FGFR3: variants seen among roughly 807,000 people sequenced by gnomAD.
FGFR3 encodes the protein fibroblast growth factor receptor 3.
Under a neutral mutation model 82.9 loss-of-function variants are expected in FGFR3, and 25 were observed. That is an observed-to-expected ratio of 0.30 (90% CI 0.22 to 0.42). FGFR3 has a LOEUF of 0.42. Among genes scored for constraint, FGFR3 ranks in the 10% least tolerant of loss-of-function variants. The probability of loss-of-function intolerance (pLI) is 1.00; values close to 1 mark genes in which losing one functional copy is unlikely to be tolerated. For synonymous variants in FGFR3, 620 were observed against 516.0 expected, an observed-to-expected ratio of 1.20 and a Z score of -2.73; for missense variants, 1,026 against 1,161.0, an observed-to-expected ratio of 0.88 and a Z score of 1.69.
At position 1,807,496 on chromosome 4, in the gene FGFR3, C is replaced by T; in HGVS notation, c.*234C>T. On this transcript the variant is annotated 3_prime_UTR_variant, in exon 18 of 18. Coordinates refer to ENST00000440486, the MANE Select transcript of FGFR3 (RefSeq NM_000142.5). ...TACCCTGGGTGTCCCCGCTGCTGTG[C>T]AACGGTCTCCTGACTGGTGCTGCAG... The T allele has an allele frequency of 1.4e-6, 1 of 726,204 alleles. No homozygotes were observed. The highest frequency in any genetic ancestry group is 2.7e-5 in the East Asian group (1 of 37,322). The allele number at this position is 726,204 out of a possible 1,614,324, so 45.0% of individuals were successfully genotyped here. A position where few individuals can be genotyped will look rare whatever the true frequency, so the allele number is the denominator to read the frequency against.
intron 7 of FGFR3, chr4:1,803,044 GC>G: frequency 6.3e-7 from 1 of 1,598,078 alleles, no homozygotes; most frequent in Non-Finnish European, 8.5e-7. Flanking sequence ...TTTTGGCTGA[GC>G]GTTCACGGGC....
At chr4:1,797,070 C>G (rs1720600127) in intron 2 of FGFR3, among the ~76,000 whole-genome samples, 1 of 152,180 alleles carries the variant, frequency 6.6e-6, no homozygotes, top group South Asian at 2.1e-4. Context: ...TTGCCTCCTA[C>G]CCCGCCTTGG....
In FGFR3 at chr4:1,793,340, T is replaced by A. The variant is rs2108749540; in HGVS notation, c.-228T>A. The A allele has an allele frequency of 6.8e-6, 1 of 146,914 alleles. No individual in the cohort carries two copies. The highest frequency in any genetic ancestry group is 6.7e-5 in the Admixed American group (1 of 14,876). 9.1% of individuals were successfully genotyped at this position (146,914 alleles called of 1,614,324 possible). On this transcript the variant is annotated 5_prime_UTR_variant, in exon 1 of 18. Coordinates refer to ENST00000440486, the MANE Select transcript of FGFR3 (RefSeq NM_000142.5). Reference sequence around the variant, plus strand: ...GCGGGCAGCTGGCGCCGCGCGGTCCTGCTCTGCCGGTCGCACGGACGCACC... The same window carrying A: ...GCGGGCAGCTGGCGCCGCGCGGTCCAGCTCTGCCGGTCGCACGGACGCACC...
At chr4:1,805,108 A>G (rs992214781) in intron 10 of FGFR3, 139 bp downstream of exon 10, 4 of 1,328,564 alleles carry the variant, frequency 3.0e-6, no homozygotes, top group Middle Eastern at 5.2e-4. Flanking sequence ...TTCTGTGGAG[A>G]TGCTCCTGGG....
chr4:1,795,730 A>T (rs937493306), intron 2 of FGFR3, among the ~76,000 whole-genome samples: 2 of 152,130 alleles, frequency 1.3e-5, no homozygotes, highest in South Asian at 2.1e-4. Flanking sequence ...TGGGACCTGG[A>T]GTGACCCCCC....
intron 10 of FGFR3, among the ~76,000 whole-genome samples, 181 bp downstream of exon 10, chr4:1,805,150 G>T (rs921061076): frequency 1.3e-5 from 2 of 152,260 alleles, no homozygotes; most frequent in African/African-American, 4.8e-5. Flanking sequence ...CCCCTCTCAA[G>T]GTGCCCTGTC....
intron 7 of FGFR3, chr4:1,803,179 C>A: frequency 8.1e-7 from 1 of 1,240,238 alleles, no homozygotes; most frequent in Non-Finnish European, 1.1e-6. Context: ...GGCTCGCGCT[C>A]CACTCGGGGC....
intron 7 of FGFR3, chr4:1,803,134 C>T (rs890644165): frequency 7.8e-6 from 11 of 1,413,788 alleles, no homozygotes; most frequent in Non-Finnish European, 8.3e-6. Context: ...GCGCCCTGCA[C>T]GCCCCGCACG....
rs1721242741 is a variant in FGFR3, at chr4:1,801,938, A to G, written c.843A>G (p.Ala281=). 2 of 1,612,740 alleles carry G rather than the reference A, an allele frequency of 1.2e-6. No homozygotes were observed. The highest frequency in any genetic ancestry group is 4.5e-5 in the East Asian group (2 of 44,870). The part of the protein sequence containing the change: ...VEFHCKVYSD[A]QPHIQWLKHV... The stretch of plus-strand genomic sequence containing the variant: ...TCCACTGCAAGGTGTACAGTGACGC[A>G]CAGCCCCACATCCAGTGGCTCAAGC... The change falls in exon 7 of 18, where the codon GCA becomes GCG. Residue 281 remains alanine, a synonymous_variant. Coordinates refer to ENST00000440486, the MANE Select transcript of FGFR3 (RefSeq NM_000142.5).
At position 1,801,647 on chromosome 4, in the gene FGFR3, A is replaced by T. The variant is rs1217196998; in HGVS notation, c.643A>T (p.Met215Leu). 6.2e-7 allele frequency: 1 copy of T among 1,611,252 alleles called. No individual in the cohort carries two copies. The highest frequency in any genetic ancestry group is 8.5e-7 in the Non-Finnish European group (1 of 1,179,330). Residue 215 changes from methionine (M) to leucine (L), a missense_variant, in exon 6 of 18, where the codon ATG becomes TTG. Physicochemically the swap from Met to Leu is conservative, Grantham distance 15. This residue lies in a region of FGFR3 where 147 missense variants were observed against 228.1 expected (regional missense o/e 0.64). Transcript: ENST00000440486. ...KLRHQQWSLVMESVVPSDRGN... is the reference protein window; with the variant it reads ...KLRHQQWSLVLESVVPSDRGN... ...GCGGCATCAGCAGTGGAGCCTGGTC[A>T]TGGAAAGCGTGGTGCCCTCGGACCG...
Position 1,794,340 on chromosome 4 carries a change from C to A in FGFR3, c.109+297C>A, listed in dbSNP as rs3135833. On this transcript the variant is annotated intron_variant, in intron 2 of 17. Coordinates refer to ENST00000440486, the MANE Select transcript of FGFR3 (RefSeq NM_000142.5). ...CCCTAGCCCTGGCCTGTCGGGAGGG[C>A]GCGGGGGGCCCCATTTCCACGATTC... 8.5e-3 allele frequency among the ~76,000 whole-genome samples: 1,292 copies of A among 152,340 alleles called. 17 individuals are homozygous for A. The highest frequency in any genetic ancestry group is 0.027 in the African/African-American group (1,131 of 41,570).
At position 1,803,735 on chromosome 4, in the gene FGFR3, C is replaced by T. The variant is rs1721500087; in HGVS notation, c.974C>T (p.Ser325Phe). ...NTTDKELEVLSLHNVTFEDAG... is the reference protein window; with the variant it reads ...NTTDKELEVLFLHNVTFEDAG... ...ACCGACAAGGAGCTAGAGGTTCTCT[C>T]CTTGCACAACGTCACCTTTGAGGAC... The change falls in exon 8 of 18, where the codon TCC becomes TTC. Residue 325 changes from serine (S) to phenylalanine (F), a missense_variant. Ser to Phe is a radical substitution (Grantham distance 155, BLOSUM62 -2). This residue lies in a region of FGFR3 where 256 missense variants were observed against 217.6 expected (regional missense o/e 1.18). Transcript: ENST00000440486. 6.2e-7 allele frequency: 1 copy of T among 1,614,054 alleles called. No individual in the cohort carries two copies. The highest frequency in any genetic ancestry group is 1.1e-5 in the South Asian group (1 of 91,082).
chr4:1,804,295 GGCCA>G, intron 8 of FGFR3, 31 bp from the exon 9 acceptor site: 13 of 1,556,634 alleles, frequency 8.4e-6, no homozygotes, highest in Admixed American at 5.5e-5. Context: ...TGGGGGGGGG[GGCCA>G]GGCCAGGCCT....
intron 2 of FGFR3, 76 bp from the exon 3 acceptor site, chr4:1,799,178 A>C: frequency 1.1e-5 from 17 of 1,603,770 alleles, no homozygotes; most frequent in Non-Finnish European, 1.4e-5. Flanking sequence ...AGGGCCGCCG[A>C]GGCTTCCACT....
chr4:1,797,146 C>T (rs1307925085), intron 2 of FGFR3, among the ~76,000 whole-genome samples: 1 of 152,180 alleles, frequency 6.6e-6, no homozygotes, highest in African/African-American at 2.4e-5. Context: ...AGTGGGGCCT[C>T]CCTTTTGTGG....
At chr4:1,805,170 A>T (rs1721726922) in intron 10 of FGFR3, among the ~76,000 whole-genome samples, 185 bp from the exon 11 acceptor site, 1 of 152,240 alleles carries the variant, frequency 6.6e-6, no homozygotes, top group Non-Finnish European at 1.5e-5. Context: ...CTGGAGGGGC[A>T]GCAAGGGCGG....
At chr4:1,801,582 C>T (rs979236262) in intron 5 of FGFR3, 38 bp from the exon 6 acceptor site, 4 of 1,586,526 alleles carry the variant, frequency 2.5e-6, no homozygotes, top group Middle Eastern at 3.3e-4. Flanking sequence ...GCGGTGGTTG[C>T]TGCCTCCGCT....
At position 1,808,255 on chromosome 4, in the gene FGFR3, C is replaced by T. The variant is rs1057357518; in HGVS notation, c.*993C>T. 9.5e-5 allele frequency: 22 copies of T among 232,524 alleles called. No individual in the cohort carries two copies. Among genetic ancestry groups the T allele is most frequent in the East Asian group, 3.0e-4 (5 of 16,506 alleles). The allele number at this position is 232,524 out of a possible 1,614,324, so 14.4% of individuals were successfully genotyped here. On this transcript the variant is annotated 3_prime_UTR_variant, in exon 18 of 18. Coordinates refer to ENST00000440486, the MANE Select transcript of FGFR3 (RefSeq NM_000142.5). The stretch of plus-strand genomic sequence containing the variant: ...CGATAGAGGGACGGCCAAGAATGTA[C>T]GTCCAGCCTGCCCCGGAGCTGGAGG...
intron 2 of FGFR3, among the ~76,000 whole-genome samples, chr4:1,797,490 G>A (rs868314692): frequency 1.4e-4 from 22 of 152,356 alleles, no homozygotes; most frequent in African/African-American, 4.3e-4. Context: ...CCCCCGTGCT[G>A]GACCAGGCTG....
Sources: gnomAD v4.1 joint callset for allele counts (sites outside exome capture counted in the v4.1 genomes callset) on GRCh38, gnomAD v4.1.1 for gene constraint, gnomAD v4.1.1 regional missense constraint, MANE v1.5 for transcripts, NCBI Gene and HGNC (gene_info 2026-07-23, HGNC 2026-07-21) for gene names.